Variants in GRM3 observed in about 807,000 individuals in gnomAD.
GRM3 encodes metabotropic glutamate receptor 3.
In GRM3, 26 loss-of-function variants were observed where a neutral mutation model predicts 70.5. The ratio of observed to expected loss-of-function variants is 0.37; its 90% confidence interval spans 0.27 to 0.51. GRM3 has a LOEUF of 0.51. GRM3 is among the 20% of genes least tolerant of loss of function. The pLI is 0.93. For synonymous variants in GRM3, 443 were observed against 434.9 expected (o/e 1.02, Z -0.23); for missense variants, 859 against 1,123.8 (o/e 0.76, Z 3.37).
At chr7:86,742,230 C>T (rs1796006779) in intron 1 of GRM3, among the ~76,000 whole-genome samples, 1 of 152,122 alleles carries the variant, frequency 6.6e-6, no homozygotes, top group Non-Finnish European at 1.5e-5. Context: ...AGGTGAACAT[C>T]TTTAGAAAGA....
chr7:86,806,406 A>G (rs1374199387), intron 3 of GRM3, among the ~76,000 whole-genome samples: 2 of 152,246 alleles, frequency 1.3e-5, no homozygotes, highest in Non-Finnish European at 2.9e-5. Flanking sequence ...CCTCTCCAGC[A>G]CCTGTTGTTT....
chr7:86,862,585 A>G (rs1488372058), intron 5 of GRM3, among the ~76,000 whole-genome samples: 3 of 152,232 alleles, frequency 2.0e-5, no homozygotes, highest in African/African-American at 4.8e-5. Flanking sequence ...CCTGATCCTA[A>G]TAAGAAGAAG....
At chr7:86,712,765 A>T (rs890715254) in intron 1 of GRM3, among the ~76,000 whole-genome samples, 1 of 152,074 alleles carries the variant, frequency 6.6e-6, no homozygotes, top group Non-Finnish European at 1.5e-5. Context: ...TATTTTACTT[A>T]ACATGATGCT....
In GRM3 at chr7:86,790,673, T is replaced by C. The variant is rs138152031; in HGVS notation, c.1324+3557T>C. ...GTCCTCACCTTTTACTCTCCTTCTT[T>C]CTCACTTCACTCCAGCCACCCTTGT... On this transcript the variant is annotated intron_variant, in intron 3 of 5. Coordinates refer to ENST00000361669, the MANE Select transcript of GRM3 (RefSeq NM_000840.3). Among the ~76,000 whole-genome samples, 741 of 152,266 alleles carry C rather than the reference T, an allele frequency of 4.9e-3. 5 individuals are homozygous for C. The highest frequency in any genetic ancestry group is 0.017 in the African/African-American group (702 of 41,566).
intron 1 of GRM3, among the ~76,000 whole-genome samples, chr7:86,659,208 G>A (rs1325384707): frequency 1.3e-5 from 2 of 152,104 alleles, no homozygotes; most frequent in Admixed American, 1.3e-4. Flanking sequence ...TCCATTAAAT[G>A]CAGTTTGTGG....
chr7:86,829,882 G>A (rs747206179), intron 3 of GRM3, among the ~76,000 whole-genome samples: 41 of 152,114 alleles, frequency 2.7e-4, no homozygotes, highest in Non-Finnish European at 3.8e-4. Flanking sequence ...AGACTTGTTC[G>A]ATGCAGGGTT....
At chr7:86,775,390 A>C (rs571749648) in intron 2 of GRM3, 1 of 152,230 alleles carries the variant, frequency 6.6e-6, no homozygotes, top group African/African-American at 2.4e-5. Context: ...CTTTATATTT[A>C]TATTATCAAC....
intron 4 of GRM3, among the ~76,000 whole-genome samples, chr7:86,841,508 C>T (rs1041670381): frequency 2.6e-5 from 4 of 151,934 alleles, no homozygotes; most frequent in African/African-American, 7.3e-5. Flanking sequence ...TATCTTTTGT[C>T]TTTATATATA....
chr7:86,724,135 C>G (rs1362946827), intron 1 of GRM3, among the ~76,000 whole-genome samples: 1 of 152,114 alleles, frequency 6.6e-6, no homozygotes, highest in Admixed American at 6.6e-5. Context: ...ATAACATGAG[C>G]AGACAGACAC....
chr7:86,665,760 C>G (rs1211684813), intron 1 of GRM3, among the ~76,000 whole-genome samples: 1 of 151,916 alleles, frequency 6.6e-6, no homozygotes, highest in Non-Finnish European at 1.5e-5. Flanking sequence ...TATAAGGAAG[C>G]CAAATAATGC....
rs572675280 is a variant in GRM3 at position 86,830,520 on chromosome 7, G to A, written c.1325-8319G>A. Among the ~76,000 whole-genome samples the A allele has an allele frequency of 2.0e-5, 3 of 152,194 alleles. No individual in the cohort carries two copies. The South Asian group carries it at 6.2e-4, about 32-fold the overall frequency. Reference sequence around the variant, plus strand: ...ATTGAAAGAAAATTTTTTTAAAAATGTCCATCAACAAAAGAATGGATAAAT... The same window carrying A: ...ATTGAAAGAAAATTTTTTTAAAAATATCCATCAACAAAAGAATGGATAAAT... On this transcript the variant is annotated intron_variant, in intron 3 of 5. Transcript: ENST00000361669.
chr7:86,716,996 G>T (rs1795333152), intron 1 of GRM3, among the ~76,000 whole-genome samples: 1 of 151,900 alleles, frequency 6.6e-6, no homozygotes, highest in African/African-American at 2.4e-5. Context: ...TTAACCATGT[G>T]TACTTGAGCT....
chr7:86,655,691 C>T (rs973390821), intron 1 of GRM3, among the ~76,000 whole-genome samples: 7 of 152,072 alleles, frequency 4.6e-5, no homozygotes, highest in African/African-American at 1.4e-4. Context: ...TTCTTTGTCA[C>T]TCTTACTAAC....
rs267601604 is a variant in GRM3, at chr7:86,839,045, G to A, written c.1531G>A (p.Asp511Asn). The A allele has an allele frequency of 1.1e-4, 184 of 1,613,840 alleles. 1 individual carries two copies. The highest frequency in any genetic ancestry group is 1.4e-4 in the Non-Finnish European group (168 of 1,179,878). The stretch of plus-strand genomic sequence containing the variant: ...CTCAGTCCCCACTTCCCAGTGCAGC[G>A]ACCCCTGTGCCCCCAATGAAATGAA... ...RNSVPTSQCSDPCAPNEMKNM... is the reference protein window; with the variant it reads ...RNSVPTSQCSNPCAPNEMKNM... Residue 511 changes from aspartate (D) to asparagine (N), a missense_variant, in exon 4 of 6, where the codon GAC (aspartate) becomes AAC (asparagine). Coordinates refer to ENST00000361669, the MANE Select transcript of GRM3 (RefSeq NM_000840.3). The surrounding 1 kb of genome is among the most constrained non-coding windows in gnomAD (Gnocchi z 4.5).
At chr7:86,652,017 C>T (rs1793618335) in intron 1 of GRM3, among the ~76,000 whole-genome samples, 1 of 152,062 alleles carries the variant, frequency 6.6e-6, no homozygotes, top group Admixed American at 6.6e-5. Context: ...GGTAACTTTA[C>T]CAGTTTAGTA....
At chr7:86,691,823 C>T (rs1794703501) in intron 1 of GRM3, among the ~76,000 whole-genome samples, 1 of 152,154 alleles carries the variant, frequency 6.6e-6, no homozygotes, top group Admixed American at 6.5e-5. Context: ...TGATCTTGGA[C>T]TTCCCAGCCT....
intron 1 of GRM3, among the ~76,000 whole-genome samples, chr7:86,704,674 A>C (rs1323451143): frequency 3.3e-5 from 5 of 151,858 alleles, no homozygotes; most frequent in African/African-American, 4.8e-5. Context: ...ACCATGAATA[A>C]ATTTTGCTCT....
intron 1 of GRM3, among the ~76,000 whole-genome samples, chr7:86,718,352 C>T (rs1795371593): frequency 6.6e-6 from 1 of 151,872 alleles, no homozygotes; most frequent in African/African-American, 2.4e-5. Context: ...ATACTGTTTG[C>T]TTTCAGATTT....
At chr7:86,653,341 T>C (rs1793654844) in intron 1 of GRM3, among the ~76,000 whole-genome samples, 1 of 152,214 alleles carries the variant, frequency 6.6e-6, no homozygotes. Context: ...AAATATTCGG[T>C]CCATAACAAT....
Sources: gnomAD v4.1 joint callset for allele counts (sites outside exome capture counted in the v4.1 genomes callset) on GRCh38, gnomAD v4.1.1 for gene constraint, Gnocchi (gnomAD v3.1) non-coding constraint, MANE v1.5 for transcripts, NCBI Gene and HGNC (gene_info 2026-07-23, HGNC 2026-07-21) for gene names.